Variants in COL21A1 observed in about 807,000 individuals in gnomAD.
COL21A1 encodes collagen alpha-1(XXI) chain.
A neutral mutation model predicts 137.9 loss-of-function variants in COL21A1; 149 were observed. That is an observed-to-expected ratio of 1.08 (90% confidence interval 0.95 to 1.24). The LOEUF (loss-of-function observed/expected upper bound fraction) is 1.24, where lower values mean the gene tolerates loss of function less well. Among genes scored for constraint, COL21A1 ranks in the 50% most tolerant of loss-of-function variants. The probability of loss-of-function intolerance (pLI) is 0.00; values close to 1 mark genes in which losing one functional copy is unlikely to be tolerated. For synonymous variants in COL21A1, 456 were observed against 391.5 expected (o/e 1.16, Z -1.95); for missense variants, 1,167 against 1,158.4 (o/e 1.01, Z -0.11).
At chr6:56,381,638 C>G (rs990816927) in intron 1 of COL21A1, among the ~76,000 whole-genome samples, 1 of 152,112 alleles carries the variant, frequency 6.6e-6, no homozygotes, top group African/African-American at 2.4e-5. Context: ...TAAATTTCAC[C>G]GAACATAAGC....
At chr6:56,355,626 G>C (rs568050239) in intron 1 of COL21A1, among the ~76,000 whole-genome samples, 2 of 152,150 alleles carry the variant, frequency 1.3e-5, no homozygotes, top group Non-Finnish European at 2.9e-5. Context: ...TCATTTTTAA[G>C]GTATGATAAT....
chr6:56,328,735 C>T (rs4266497), intron 1 of COL21A1, among the ~76,000 whole-genome samples: 150,042 of 152,204 alleles, frequency 0.99, 73,988 homozygotes, highest in Middle Eastern at 1. Flanking sequence ...ACTATTACAG[C>T]ATGTTTTCCC....
At chr6:56,261,666 T>G (rs572683868) in intron 1 of COL21A1, among the ~76,000 whole-genome samples, 1 of 151,890 alleles carries the variant, frequency 6.6e-6, no homozygotes, top group East Asian at 1.9e-4. Context: ...GTCTAAGGGG[T>G]TTTTTCTTGT....
chr6:56,264,555 C>G (rs1263654249), intron 1 of COL21A1, among the ~76,000 whole-genome samples: 1 of 152,204 alleles, frequency 6.6e-6, no homozygotes, highest in African/African-American at 2.4e-5. Flanking sequence ...ATTTACATGA[C>G]TCACAAATTT....
chr6:56,105,960 T>C (rs1028824546), intron 16 of COL21A1, among the ~76,000 whole-genome samples: 1 of 152,214 alleles, frequency 6.6e-6, no homozygotes, highest in African/African-American at 2.4e-5. Context: ...TTTATGCAAA[T>C]TCCAGTGTTG....
At chr6:56,164,541 T>C (rs1172771922) in intron 8 of COL21A1, 35 bp from the exon 9 acceptor site, 2 of 1,433,744 alleles carry the variant, frequency 1.4e-6, no homozygotes, top group South Asian at 1.2e-5. Context: ...ACAACAAGCA[T>C]GGAAAGACAT....
chr6:56,316,353 G>T (rs1379671652), intron 1 of COL21A1, among the ~76,000 whole-genome samples: 1 of 151,684 alleles, frequency 6.6e-6, no homozygotes, highest in African/African-American at 2.4e-5. Flanking sequence ...GGTACTTAAT[G>T]CATTATTATA....
intron 1 of COL21A1, among the ~76,000 whole-genome samples, chr6:56,314,956 T>A (rs1764699076): frequency 6.6e-6 from 1 of 152,150 alleles, no homozygotes; most frequent in Admixed American, 6.6e-5. Context: ...CTCTGGAACC[T>A]CTGAGCACAA....
chr6:56,121,845 CT>C (rs200658673), intron 16 of COL21A1, among the ~76,000 whole-genome samples: 17 of 150,074 alleles, frequency 1.1e-4, no homozygotes, highest in African/African-American at 2.9e-4. Flanking sequence ...AAGTAAATAG[CT>C]TTTTTTTTCA....
chr6:56,282,805 A>G (rs1252010987), intron 1 of COL21A1, among the ~76,000 whole-genome samples: 3 of 152,218 alleles, frequency 2.0e-5, no homozygotes, highest in Non-Finnish European at 2.9e-5. Context: ...CAACAAGAAC[A>G]ATCATTTCTT....
chr6:56,298,914 T>A (rs1764218726), intron 1 of COL21A1, among the ~76,000 whole-genome samples: 1 of 152,126 alleles, frequency 6.6e-6, no homozygotes, highest in Non-Finnish European at 1.5e-5. Context: ...ACCTTAAAAG[T>A]CATATAACTC....
chr6:56,062,229 G>C (rs568385635), intron 24 of COL21A1, among the ~76,000 whole-genome samples: 1 of 152,164 alleles, frequency 6.6e-6, no homozygotes, highest in Non-Finnish European at 1.5e-5. Context: ...TAAGAGACCA[G>C]AGAAGCAATG....
chr6:56,165,541 C>T (rs1776506855), intron 7 of COL21A1, among the ~76,000 whole-genome samples: 1 of 152,130 alleles, frequency 6.6e-6, no homozygotes, highest in Non-Finnish European at 1.5e-5. Flanking sequence ...TTCTCAAATG[C>T]CATAGCTTAT....
At chr6:56,077,778 G>A in intron 17 of COL21A1, 1 of 491,900 alleles carries the variant, frequency 2.0e-6, no homozygotes, top group Non-Finnish European at 3.6e-6. Flanking sequence ...GATATTTAGA[G>A]CTTTAAATAA....
intron 17 of COL21A1, among the ~76,000 whole-genome samples, chr6:56,096,631 T>C (rs976065071): frequency 6.6e-5 from 10 of 152,216 alleles, no homozygotes; most frequent in African/African-American, 2.2e-4. Context: ...TAAATTATAG[T>C]GCTAGCCATT....
chr6:56,376,017 G>A (rs956868313), intron 1 of COL21A1, among the ~76,000 whole-genome samples: 1 of 152,186 alleles, frequency 6.6e-6, no homozygotes. Flanking sequence ...AGGGTAAGAA[G>A]AGCTGCGGGT....
intron 1 of COL21A1, among the ~76,000 whole-genome samples, chr6:56,365,623 T>G (rs1766080623): frequency 6.6e-6 from 1 of 152,212 alleles, no homozygotes; most frequent in Non-Finnish European, 1.5e-5. Flanking sequence ...CCTGTCTCAA[T>G]TCTATTCCCA....
At chr6:56,303,899 A>G (rs1430008699) in intron 1 of COL21A1, among the ~76,000 whole-genome samples, 1 of 152,192 alleles carries the variant, frequency 6.6e-6, no homozygotes, top group African/African-American at 2.4e-5. Flanking sequence ...ATTTTGAGAT[A>G]TGTCCCATCA....
At chr6:56,252,853 G>A (rs962661844) in intron 1 of COL21A1, among the ~76,000 whole-genome samples, 1 of 152,160 alleles carries the variant, frequency 6.6e-6, no homozygotes, top group Non-Finnish European at 1.5e-5. Flanking sequence ...ACTGCATGGA[G>A]AGAAAAGATA....
Sources: allele counts gnomAD v4.1 joint callset (sites outside exome capture counted in the v4.1 genomes callset), GRCh38; gene constraint gnomAD v4.1.1; transcripts MANE v1.5; gene names NCBI Gene and HGNC (gene_info 2026-07-23, HGNC 2026-07-21).